Variants in COL26A1 observed in about 807,000 individuals in gnomAD.
COL26A1 encodes the protein collagen alpha-1(XXVI) chain.
A neutral mutation model predicts 59.3 loss-of-function variants in COL26A1; 41 were observed. That is an observed-to-expected ratio of 0.69 (90% CI 0.54 to 0.90). COL26A1 has a LOEUF of 0.90. COL26A1 is among the 40% of genes least tolerant of loss of function. COL26A1 has a pLI of 0.00. For missense variants in COL26A1, 612 were observed against 602.3 expected (o/e 1.02, Z -0.17); for synonymous variants, 266 against 256.0 (o/e 1.04, Z -0.37).
At chr7:101,527,850 G>A (rs1473660964) in intron 3 of COL26A1, among the ~76,000 whole-genome samples, 1 of 152,144 alleles carries the variant, frequency 6.6e-6, no homozygotes, top group Non-Finnish European at 1.5e-5. Context: ...ATCCTGGAAA[G>A]TTAGCGACCA....
At chr7:101,556,554 G>A (rs1482048530) in intron 12 of COL26A1, among the ~76,000 whole-genome samples, 1 of 152,120 alleles carries the variant, frequency 6.6e-6, no homozygotes, top group Non-Finnish European at 1.5e-5. Context: ...TGGATGGGTA[G>A]ATGCATGGAT....
rs544802181 is a variant in COL26A1, at chr7:101,424,360, G to A, written c.281+4261G>A. Among the ~76,000 whole-genome samples the A allele has an allele frequency of 4.8e-3, 732 of 152,220 alleles. 8 individuals carry two copies. The highest frequency in any genetic ancestry group is 0.016 in the African/African-American group (675 of 41,548). ...CACCTGTAATCCCGGCACTTTGGGGGGCCAAGGAGGGTGGATCACCTGAGG... is the reference window on the plus strand; with the variant it reads ...CACCTGTAATCCCGGCACTTTGGGGAGCCAAGGAGGGTGGATCACCTGAGG... On this transcript the variant is annotated intron_variant, in intron 2 of 12. Coordinates refer to ENST00000313669, the MANE Select transcript of COL26A1 (RefSeq NM_001278563.3).
chr7:101,401,631 CAGAAGAGGG>C (rs1792002035), intron 1 of COL26A1, among the ~76,000 whole-genome samples: 1 of 126,092 alleles, frequency 7.9e-6, no homozygotes. Context: ...AAGGAGGAGG[CAGAAGAGGG>C]AGAGGAGGAG....
At chr7:101,465,963 C>T (rs552964990) in intron 3 of COL26A1, among the ~76,000 whole-genome samples, 14 of 152,312 alleles carry the variant, frequency 9.2e-5, no homozygotes, top group Middle Eastern at 3.4e-3. Context: ...CAGCTTTCCA[C>T]CTATCCAGGA....
At chr7:101,387,420 AGAAAACCTG>A (rs1196979214) in intron 1 of COL26A1, among the ~76,000 whole-genome samples, 4 of 151,544 alleles carry the variant, frequency 2.6e-5, no homozygotes, top group East Asian at 3.9e-4. Flanking sequence ...TATTTATTAT[AGAAAACCTG>A]GAAAATCTGG....
At chr7:101,514,578 T>C (rs1794990166) in intron 3 of COL26A1, among the ~76,000 whole-genome samples, 1 of 152,094 alleles carries the variant, frequency 6.6e-6, no homozygotes, top group South Asian at 2.1e-4. Flanking sequence ...CAGTGAGCTA[T>C]GGCTAGCGAG....
intron 3 of COL26A1, among the ~76,000 whole-genome samples, chr7:101,516,979 T>C (rs1242002697): frequency 6.6e-6 from 1 of 152,136 alleles, no homozygotes; most frequent in East Asian, 1.9e-4. Context: ...GGTCGGTGCC[T>C]GGTAAGGGGA....
At chr7:101,495,715 G>A (rs973621865) in intron 3 of COL26A1, among the ~76,000 whole-genome samples, 14 of 145,812 alleles carry the variant, frequency 9.6e-5, no homozygotes, top group African/African-American at 3.0e-4. Context: ...CACCGCGCCC[G>A]GCCAGCGTAG....
intron 11 of COL26A1, among the ~76,000 whole-genome samples, chr7:101,554,529 C>A (rs1206960542): frequency 7.1e-6 from 1 of 140,112 alleles, no homozygotes; most frequent in Non-Finnish European, 1.5e-5. Context: ...CCCATGAGAT[C>A]AAGACCAGCC....
At chr7:101,452,191 C>T (rs1793356090) in intron 3 of COL26A1, among the ~76,000 whole-genome samples, 1 of 152,076 alleles carries the variant, frequency 6.6e-6, no homozygotes, top group Non-Finnish European at 1.5e-5. Flanking sequence ...GCTTTTTGCC[C>T]TATTTCCACA....
intron 3 of COL26A1, among the ~76,000 whole-genome samples, chr7:101,500,025 C>A (rs1487279977): frequency 1.3e-5 from 2 of 152,256 alleles, no homozygotes; most frequent in Non-Finnish European, 2.9e-5. Flanking sequence ...CAGTTGAAGT[C>A]ATAAGCTATG....
At chr7:101,481,772 A>G (rs982116604) in intron 3 of COL26A1, among the ~76,000 whole-genome samples, 1 of 152,028 alleles carries the variant, frequency 6.6e-6, no homozygotes, top group African/African-American at 2.4e-5. Context: ...TATTTTGTCC[A>G]GCATTCCAAA....
intron 3 of COL26A1, among the ~76,000 whole-genome samples, chr7:101,485,144 G>A (rs1319940713): frequency 6.6e-6 from 1 of 152,216 alleles, no homozygotes; most frequent in East Asian, 1.9e-4. Flanking sequence ...AAGCCACCAT[G>A]CCCGGCCTCA....
intron 1 of COL26A1, among the ~76,000 whole-genome samples, chr7:101,402,177 C>T (rs1017522999): frequency 6.6e-6 from 1 of 152,144 alleles, no homozygotes; most frequent in Non-Finnish European, 1.5e-5. Context: ...GAGCCTGGTC[C>T]TTTGGAAAAG....
intron 11 of COL26A1, among the ~76,000 whole-genome samples, chr7:101,554,696 A>G (rs2130688712): frequency 1.3e-5 from 2 of 152,130 alleles, no homozygotes; most frequent in East Asian, 3.9e-4. Context: ...GTGAACTACA[A>G]TCGTGCCACT....
intron 2 of COL26A1, among the ~76,000 whole-genome samples, chr7:101,442,395 C>A (rs899839840): frequency 6.7e-6 from 1 of 150,276 alleles, no homozygotes; most frequent in Admixed American, 6.6e-5. Flanking sequence ...GGCACGATCT[C>A]GGCTCACTGC....
rs1563007329 is a variant in COL26A1, at chr7:101,489,662, TTCCTTCCTTCCTTCCTTC to T, written c.385+41876_385+41893del. Among the ~76,000 whole-genome samples, 7 of 53,738 alleles carry T rather than the reference TTCCTTCCTTCCTTCCTTC, an allele frequency of 1.3e-4. 2 individuals are homozygous for T. The highest frequency in any genetic ancestry group is 2.4e-4 in the Non-Finnish European group (7 of 29,642). 35.3% of individuals were successfully genotyped at this position (53,738 alleles called of 152,430 possible). A position where few individuals can be genotyped will look rare whatever the true frequency, so the allele number is the denominator to read the frequency against. ...CTTTCTTTCTTTCTTTCTTTCTTTC[TTCCTTCCTTCCTTCCTTC>T]CTTTCTTTCTTTCTTTCTGTCTTTC... On this transcript the variant is annotated intron_variant, in intron 3 of 12. Transcript: ENST00000313669.
intron 3 of COL26A1, among the ~76,000 whole-genome samples, chr7:101,526,102 G>A (rs1168125944): frequency 1.3e-4 from 19 of 151,702 alleles, no homozygotes; most frequent in Non-Finnish European, 1.5e-5. Flanking sequence ...AGGCTGGAGT[G>A]CAATGGCGTG....
intron 3 of COL26A1, among the ~76,000 whole-genome samples, chr7:101,465,429 GACA>G (rs1338826055): frequency 6.6e-6 from 1 of 152,038 alleles, no homozygotes; most frequent in African/African-American, 2.4e-5. Context: ...TCCAGTGCAG[GACA>G]ACATCAGCAA....
Sources: allele counts gnomAD v4.1 joint callset (sites outside exome capture counted in the v4.1 genomes callset), GRCh38; gene constraint gnomAD v4.1.1; transcripts MANE v1.5; gene names NCBI Gene and HGNC (gene_info 2026-07-23, HGNC 2026-07-21).